Variants in MKLN1 observed in about 807,000 individuals in gnomAD.
MKLN1 encodes muskelin.
In MKLN1, 18 loss-of-function variants were observed where a neutral mutation model predicts 99.0. The observed-to-expected ratio is 0.18, with a 90% CI of 0.13 to 0.27. The LOEUF (loss-of-function observed/expected upper bound fraction) is 0.27, where lower values mean the gene tolerates loss of function less well. MKLN1 is among the 10% of genes least tolerant of loss of function. The probability of loss-of-function intolerance (pLI) is 1.00; values close to 1 mark genes in which losing one functional copy is unlikely to be tolerated. For synonymous variants in MKLN1, 288 were observed against 293.2 expected (o/e 0.98, Z 0.18); for missense variants, 621 against 875.9 (o/e 0.71, Z 3.67).
chr7:131,438,092 T>A, intron 10 of MKLN1, 95 bp downstream of exon 10: 2 of 903,500 alleles, frequency 2.2e-6, no homozygotes, highest in Non-Finnish European at 3.6e-6. Flanking sequence ...AGTTGTCCAG[T>A]AGTGCTTTCC....
chr7:131,211,783 C>T (rs1321814374), intron 3 of MKLN1, among the ~76,000 whole-genome samples: 2 of 152,114 alleles, frequency 1.3e-5, no homozygotes, highest in African/African-American at 4.8e-5. Context: ...CTCTAGGAGG[C>T]TCATAAAAGA....
intron 3 of MKLN1, among the ~76,000 whole-genome samples, chr7:131,243,159 T>TTAGA (rs2116498273): frequency 6.6e-6 from 1 of 152,230 alleles, no homozygotes; most frequent in East Asian, 1.9e-4. Flanking sequence ...AAAATTATTT[T>TTAGA]TAGATAGTTC....
chr7:131,352,450 T>C (rs1026187462), intron 1 of MKLN1, among the ~76,000 whole-genome samples: 7 of 152,156 alleles, frequency 4.6e-5, no homozygotes, highest in African/African-American at 1.2e-4. Context: ...AGAAAAAATA[T>C]CTTGAATTTA....
chr7:131,190,339 C>T (rs1375492810), intron 2 of MKLN1, among the ~76,000 whole-genome samples: 3 of 152,052 alleles, frequency 2.0e-5, no homozygotes, highest in African/African-American at 7.2e-5. Context: ...TTCTCTCAGA[C>T]CTACCTTGGC....
chr7:131,345,196 A>G (rs1307087967), intron 1 of MKLN1, among the ~76,000 whole-genome samples: 1 of 152,214 alleles, frequency 6.6e-6, no homozygotes, highest in Non-Finnish European at 1.5e-5. Context: ...TAGTACAGGA[A>G]CAGTCCAGGT....
intron 1 of MKLN1, among the ~76,000 whole-genome samples, chr7:131,352,705 G>A (rs1233786979): frequency 1.3e-5 from 2 of 152,086 alleles, no homozygotes; most frequent in African/African-American, 4.8e-5. Flanking sequence ...GTTTTCTACT[G>A]AAGATAGTAA....
rs1554534834 is a variant in MKLN1 at position 131,192,410 on chromosome 7, T to TAATATATACAATATATAAATATATAA, written c.-296-10412_-296-10387dup. Among the ~76,000 whole-genome samples, 235 of 125,028 alleles carry TAATATATACAATATATAAATATATAA rather than the reference T, an allele frequency of 1.9e-3. 2 individuals carry two copies. Among genetic ancestry groups the TAATATATACAATATATAAATATATAA allele is most frequent in the Non-Finnish European group, 3.1e-3 (193 of 62,370 alleles). 82.0% of individuals were successfully genotyped at this position (125,028 alleles called of 152,430 possible). ...ACAATATATAAATATATAAAATATA[T>TAATATATACAATATATAAATATATAA]AATATATACAATATATAAATATATA... On this transcript the variant is annotated intron_variant, in intron 2 of 7. Coordinates refer to the MKLN1 transcript ENST00000416992.
At chr7:131,160,263 C>G (rs1232966373) in intron 2 of MKLN1, among the ~76,000 whole-genome samples, 1 of 151,964 alleles carries the variant, frequency 6.6e-6, no homozygotes, top group African/African-American at 2.4e-5. Context: ...CTTGTTGTGG[C>G]TGAAAAAGAT....
intron 4 of MKLN1, among the ~76,000 whole-genome samples, chr7:131,394,637 A>AC (rs1794304193): frequency 6.6e-6 from 1 of 151,612 alleles, no homozygotes; most frequent in African/African-American, 2.4e-5. Context: ...GGGGTTTGGG[A>AC]CCCCTGTTTT....
At chr7:131,329,450 G>GC (rs1484679768) in intron 1 of MKLN1, among the ~76,000 whole-genome samples, 1 of 152,200 alleles carries the variant, frequency 6.6e-6, no homozygotes, top group Non-Finnish European at 1.5e-5. Flanking sequence ...TTGAAATGTG[G>GC]CCCTATGTAC....
Position 131,443,513 on chromosome 7 carries a change from C to G in MKLN1, c.1206C>G (p.Tyr402Ter). 6.2e-7 allele frequency: 1 copy of G among 1,613,766 alleles called. No individual in the cohort carries two copies. The highest frequency in any genetic ancestry group is 8.5e-7 in the Non-Finnish European group (1 of 1,179,684). Residue 402 changes from tyrosine (Y) to a stop codon, truncating the protein, a stop_gained, in exon 11 of 18, where the codon TAC becomes TAG. Transcript: ENST00000352689. LOFTEE classifies it high-confidence loss of function. ...TGGACTCAGAAAAACATATGATCTA[C>G]ACTTTTGGTGGTAGAATTTTGACTT... is the stretch of plus-strand genomic sequence containing the variant. Reference protein sequence around the residue: ...MCMDSEKHMIYTFGGRILTCN... With the variant: ...MCMDSEKHMI
chr7:131,444,743 AGTAGTAGTAGTAGTAGAAGAAGT>A (rs1795948055), intron 11 of MKLN1, among the ~76,000 whole-genome samples: 5 of 126,180 alleles, frequency 4.0e-5, no homozygotes, highest in East Asian at 2.3e-4. Context: ...TAGTAGTAGT[AGTAGTAGTAGTAGTAGAAGAAGT>A]AGTAGTAGTA....
intron 1 of MKLN1, among the ~76,000 whole-genome samples, chr7:131,349,047 CAT>C (rs1311977064): frequency 8.5e-5 from 13 of 152,136 alleles, no homozygotes; most frequent in African/African-American, 1.9e-4. Flanking sequence ...CCCACATCCA[CAT>C]GTTATAGTTC....
At chr7:131,119,150 A>G (rs1219739603) in intron 1 of MKLN1, among the ~76,000 whole-genome samples, 7 of 152,264 alleles carry the variant, frequency 4.6e-5, no homozygotes, top group Admixed American at 3.9e-4. Context: ...TGGGGGTACA[A>G]GCATTGGGTA....
intron 1 of MKLN1, among the ~76,000 whole-genome samples, chr7:131,135,125 G>GT (rs1234143983): frequency 6.6e-6 from 1 of 152,098 alleles, no homozygotes; most frequent in Non-Finnish European, 1.5e-5. Context: ...CCTGTTTCTT[G>GT]TTTTTTGTTT....
At chr7:131,143,054 T>A in intron 2 of MKLN1, 1 of 636,986 alleles carries the variant, frequency 1.6e-6, no homozygotes, top group Non-Finnish European at 2.5e-6. Context: ...AAGATGTGAC[T>A]GGAGTCCTCA....
rs567703399 is a variant in MKLN1 at position 131,202,378 on chromosome 7, A to T, written c.-296-479A>T. On this transcript the variant is annotated intron_variant, in intron 2 of 7. Coordinates refer to the MKLN1 transcript ENST00000416992. ...GATCTGCCAGCCTCGGCCTCTCAATATGCTGGGATTACAGGCTTGAGCCAC... is the reference window on the plus strand; with the variant it reads ...GATCTGCCAGCCTCGGCCTCTCAATTTGCTGGGATTACAGGCTTGAGCCAC... 3.2e-4 allele frequency among the ~76,000 whole-genome samples: 48 copies of T among 151,850 alleles called. No individual in the cohort carries two copies. The South Asian group carries it at 9.8e-3, about 31-fold the overall frequency.
intron 3 of MKLN1, among the ~76,000 whole-genome samples, chr7:131,305,621 T>G (rs1798453169): frequency 6.6e-6 from 1 of 152,174 alleles, no homozygotes; most frequent in Non-Finnish European, 1.5e-5. Flanking sequence ...GAAGCTTTCT[T>G]TACCATCCAA....
intron 2 of MKLN1, among the ~76,000 whole-genome samples, chr7:131,176,746 T>C (rs1796304977): frequency 6.6e-6 from 1 of 152,236 alleles, no homozygotes; most frequent in Non-Finnish European, 1.5e-5. Context: ...AATTCATCCA[T>C]TTAACATTCT....
Sources: gnomAD v4.1 joint callset for allele counts (sites outside exome capture counted in the v4.1 genomes callset) on GRCh38, gnomAD v4.1.1 for gene constraint, MANE v1.5 for transcripts, NCBI Gene and HGNC (gene_info 2026-07-23, HGNC 2026-07-21) for gene names.